APBA2: variants seen among roughly 807,000 people sequenced by gnomAD.
APBA2 encodes the protein amyloid beta precursor protein binding family A member 2.
Under a neutral mutation model 75.0 loss-of-function variants are expected in APBA2, and 30 were observed. That is an observed-to-expected ratio of 0.40 (90% confidence interval 0.30 to 0.54). The LOEUF (loss-of-function observed/expected upper bound fraction) is 0.54. APBA2 is among the 20% of genes least tolerant of loss of function. The pLI is 0.49. For synonymous variants in APBA2, 444 were observed against 409.6 expected, an observed-to-expected ratio of 1.08 and a Z score of -1.01; for missense variants, 801 against 1,016.1, an observed-to-expected ratio of 0.79 and a Z score of 2.88.
chr15:28,898,633 A>G (rs1232164414), intron 1 of APBA2, among the ~76,000 whole-genome samples: 1 of 152,180 alleles, frequency 6.6e-6, no homozygotes, highest in Non-Finnish European at 1.5e-5. Flanking sequence ...CCCTTTCCCC[A>G]TCTTGGTTTG....
At chr15:29,039,851 C>G (rs1233399345) in intron 3 of APBA2, among the ~76,000 whole-genome samples, 3 of 152,164 alleles carry the variant, frequency 2.0e-5, no homozygotes, top group South Asian at 2.1e-4. Context: ...CCATTCCACT[C>G]ACGGATTAGA....
At chr15:28,915,164 ACAC>A (rs2033622533) in intron 1 of APBA2, among the ~76,000 whole-genome samples, 32 of 398 alleles carry the variant, frequency 0.08, no homozygotes, top group East Asian at 0.15. Context: ...TACACACCAC[ACAC>A]CACATACATA....
chr15:28,975,057 A>G (rs1446223657), intron 2 of APBA2, among the ~76,000 whole-genome samples: 1 of 152,206 alleles, frequency 6.6e-6, no homozygotes, highest in Non-Finnish European at 1.5e-5. Context: ...AAGAAATGAC[A>G]TTAACAGAAC....
At chr15:29,052,134 C>G (rs1566947636) in intron 3 of APBA2, among the ~76,000 whole-genome samples, 1 of 151,970 alleles carries the variant, frequency 6.6e-6, no homozygotes, top group African/African-American at 2.4e-5. Context: ...AAGAATATGA[C>G]AAACATTTGG....
At chr15:29,044,663 C>T (rs984907904) in intron 3 of APBA2, among the ~76,000 whole-genome samples, 2 of 151,978 alleles carry the variant, frequency 1.3e-5, no homozygotes, top group South Asian at 2.1e-4. Flanking sequence ...GCAAAGACAG[C>T]GTCAAAGGGT....
intron 2 of APBA2, among the ~76,000 whole-genome samples, chr15:28,926,855 C>CTTTT (rs201502989): frequency 9.5e-5 from 13 of 136,540 alleles, no homozygotes; most frequent in African/African-American, 3.1e-4. Context: ...CTCTCTCTCT[C>CTTTT]TCTTTTTTTT....
Position 29,028,365 on chromosome 15 carries a change from G to GTA in APBA2, c.-40-25478_-40-25477dup, listed in dbSNP as rs146495959. ...TTGTATGGCTGCATAGTATTCCATG[G>GTA]TATGTATATATGTACCACAGTTTCT... is the stretch of plus-strand genomic sequence containing the variant. On this transcript the variant is annotated intron_variant, in intron 3 of 14. Transcript: ENST00000683413. Among the ~76,000 whole-genome samples the GTA allele has an allele frequency of 3.2e-3, 494 of 152,242 alleles. 4 individuals carry two copies. The highest frequency in any genetic ancestry group is 0.012 in the African/African-American group (482 of 41,554).
At chr15:29,116,942 C>A in intron 14 of APBA2, 120 bp from the exon 15 acceptor site, 1 of 1,110,750 alleles carries the variant, frequency 9.0e-7, no homozygotes, top group Non-Finnish European at 1.4e-6. Flanking sequence ...TCCTCCTTCA[C>A]TCTAGGAGAT....
At chr15:28,894,665 A>C (rs2032351269) in intron 1 of APBA2, among the ~76,000 whole-genome samples, 2 of 152,180 alleles carry the variant, frequency 1.3e-5, no homozygotes, top group African/African-American at 4.8e-5. Flanking sequence ...TGGTGGCCCT[A>C]GAGAGTCCTT....
intron 2 of APBA2, among the ~76,000 whole-genome samples, chr15:28,986,755 C>T (rs1166556464): frequency 6.6e-6 from 1 of 152,236 alleles, no homozygotes; most frequent in Non-Finnish European, 1.5e-5. Context: ...GCATGAGCTA[C>T]TGCTCCTGGT....
At chr15:28,975,675 G>T (rs7162303) in intron 2 of APBA2, among the ~76,000 whole-genome samples, 25,764 of 152,150 alleles carry the variant, frequency 0.17, 5,101 homozygotes, top group African/African-American at 0.48. Context: ...AACTGCTTTC[G>T]CATGATGGGG....
chr15:29,078,615 A>C (rs150136112), intron 6 of APBA2, among the ~76,000 whole-genome samples: 6,758 of 151,740 alleles, frequency 0.045, 337 homozygotes, highest in African/African-American at 0.12. Context: ...CATCTCAAAA[A>C]AAAAAAAAAC....
intron 3 of APBA2, among the ~76,000 whole-genome samples, chr15:29,043,021 G>C (rs541476725): frequency 3.3e-5 from 5 of 152,152 alleles, no homozygotes; most frequent in African/African-American, 1.2e-4. Flanking sequence ...CCAAGGCACC[G>C]CTATTTCCAG....
At chr15:28,889,114 C>T (rs1278333677) in intron 1 of APBA2, among the ~76,000 whole-genome samples, 1 of 152,074 alleles carries the variant, frequency 6.6e-6, no homozygotes, top group East Asian at 1.9e-4. Context: ...CCTCCCCAAC[C>T]CCCTGCCGCC....
intron 2 of APBA2, among the ~76,000 whole-genome samples, chr15:28,922,892 G>A (rs1445760355): frequency 6.6e-6 from 1 of 152,194 alleles, no homozygotes; most frequent in Non-Finnish European, 1.5e-5. Flanking sequence ...GGAAGCCACG[G>A]TCACTCCCCT....
At chr15:28,987,028 C>A (rs1394232612) in intron 2 of APBA2, among the ~76,000 whole-genome samples, 1 of 152,128 alleles carries the variant, frequency 6.6e-6, no homozygotes, top group Non-Finnish European at 1.5e-5. Flanking sequence ...GTCTCTTTTA[C>A]AAAGGCACAA....
At chr15:29,092,514 A>G (rs1377670671) in intron 6 of APBA2, among the ~76,000 whole-genome samples, 3 of 152,048 alleles carry the variant, frequency 2.0e-5, no homozygotes, top group Admixed American at 2.0e-4. Context: ...GCTGGCAGGA[A>G]GTTTGTTGGG....
intron 1 of APBA2, among the ~76,000 whole-genome samples, chr15:28,920,125 G>A (rs1261740744): frequency 6.6e-6 from 1 of 152,200 alleles, no homozygotes; most frequent in East Asian, 1.9e-4. Context: ...GAGGGAATGG[G>A]AGAAGTGGTC....
At chr15:28,917,005 C>T (rs1029669976) in intron 1 of APBA2, among the ~76,000 whole-genome samples, 19,085 of 151,968 alleles carry the variant, frequency 0.13, 1,324 homozygotes, top group African/African-American at 0.16. Flanking sequence ...AAATACACTT[C>T]TCAAAAAAAG....
Sources: gnomAD v4.1 joint callset for allele counts (sites outside exome capture counted in the v4.1 genomes callset) on GRCh38, gnomAD v4.1.1 for gene constraint, MANE v1.5 for transcripts, NCBI Gene and HGNC (gene_info 2026-07-23, HGNC 2026-07-21) for gene names.